The following CST2 variants were observed in gnomAD, a reference collection of about 807,000 sequenced individuals.
CST2 encodes cystatin-SA.
A neutral mutation model predicts 13.4 loss-of-function variants in CST2; 26 were observed. That is an observed-to-expected ratio of 1.95 (90% CI 1.43 to 2.70). The LOEUF is 2.70. Ranked by LOEUF, CST2 falls within the 30% of genes most tolerant of loss-of-function variation. The probability of loss-of-function intolerance (pLI) is 0.00; values close to 1 mark genes in which losing one functional copy is unlikely to be tolerated. For synonymous variants in CST2, 105 were observed against 71.1 expected (o/e 1.48, Z -2.40); for missense variants, 243 against 173.4 (o/e 1.40, Z -2.25).
chr20:23,823,980 G>A lies in CST2; in HGVS notation c.*40C>T. 6.2e-7 allele frequency: 1 copy of A among 1,606,306 alleles called. No individual in the cohort carries two copies. Among genetic ancestry groups the A allele is most frequent in the Non-Finnish European group, 8.5e-7 (1 of 1,173,240 alleles). On this transcript the variant is annotated 3_prime_UTR_variant, in exon 3 of 3. Coordinates refer to ENST00000304725, the MANE Select transcript of CST2 (RefSeq NM_001322.3). Reference sequence around the variant, plus strand: ...AGGGGTGGGAGCACTACAAGGGGTGGGAGTAGGAGGTGGTCAGTGTGACTC... The same window carrying A: ...AGGGGTGGGAGCACTACAAGGGGTGAGAGTAGGAGGTGGTCAGTGTGACTC...
intron 1 of CST2, 35 bp from the exon 2 acceptor site, chr20:23,825,358 G>T (rs377155653): frequency 1.1e-5 from 17 of 1,606,706 alleles, no homozygotes; most frequent in Non-Finnish European, 1.4e-5. Context: ...CACGGACAGC[G>T]CCCCCATCAG....
chr20:23,826,247 G>A (rs1197429347), intron 1 of CST2, among the ~76,000 whole-genome samples, 186 bp downstream of exon 1: 2 of 152,328 alleles, frequency 1.3e-5, no homozygotes, highest in Admixed American at 1.3e-4. Context: ...TCCAGAGTCA[G>A]CATAGTCTCC....
intron 1 of CST2, among the ~76,000 whole-genome samples, chr20:23,825,738 C>A (rs781301539): frequency 2.6e-5 from 4 of 152,218 alleles, no homozygotes; most frequent in Non-Finnish European, 5.9e-5. Flanking sequence ...GGGAGTGCAC[C>A]TCCCGTGCAG....
intron 1 of CST2, 80 bp from the exon 2 acceptor site, chr20:23,825,403 T>A: frequency 2.7e-6 from 4 of 1,477,272 alleles, no homozygotes; most frequent in South Asian, 1.2e-5. Flanking sequence ...TGTGGCTGAG[T>A]CACTGGACTT....
rs1332346260 is a variant in CST2 at position 23,823,848 on chromosome 20, G to C, written c.*172C>G. On this transcript the variant is annotated 3_prime_UTR_variant, in exon 3 of 3. Coordinates refer to ENST00000304725, the MANE Select transcript of CST2 (RefSeq NM_001322.3). ...GCTATGAGAAGCAAAAGGAAGGAGG[G>C]AGGGCAGAGTCCCCTGCTGAGCAAC... 4 of 641,526 alleles carry C rather than the reference G, an allele frequency of 6.2e-6. No homozygotes were observed. In the African/African-American group the frequency reaches 7.3e-5, roughly 12 times the overall value. 39.7% of individuals were successfully genotyped at this position (641,526 alleles called of 1,614,324 possible).
In CST2 at chr20:23,826,602, G is replaced by T; in HGVS notation, c.59C>A (p.Ala20Asp). 6.2e-7 allele frequency: 1 copy of T among 1,613,356 alleles called. No individual in the cohort carries two copies. The highest frequency in any genetic ancestry group is 1.1e-5 in the South Asian group (1 of 90,978). Residue 20 changes from alanine to aspartate, a missense_variant, in exon 1 of 3, where the codon GCC becomes GAC. Physicochemically the swap from Ala to Asp is moderately radical, Grantham distance 126. Transcript: ENST00000304725. ...LLLATQAVAL[A>D]WSPQEEDRII... ...CCTGTCCTCCTCCTGGGGGCTCCAG[G>T]CCAGGGCCACAGCCTGGGTGGCCAG...
intron 2 of CST2, among the ~76,000 whole-genome samples, chr20:23,824,913 C>G (rs1209594782): frequency 1.3e-5 from 2 of 152,024 alleles, no homozygotes; most frequent in South Asian, 2.1e-4. Flanking sequence ...CACTTGGACC[C>G]CTCAACCCCA....
At chr20:23,825,638 G>C (rs111788235) in intron 1 of CST2, among the ~76,000 whole-genome samples, 14 of 152,302 alleles carry the variant, frequency 9.2e-5, no homozygotes, top group Admixed American at 5.2e-4. Flanking sequence ...ATAGGCGTCC[G>C]GGCCTGATGG....
At chr20:23,826,044 G>A (rs1318794092) in intron 1 of CST2, among the ~76,000 whole-genome samples, 2 of 152,220 alleles carry the variant, frequency 1.3e-5, no homozygotes, top group African/African-American at 4.8e-5. Context: ...GCCCTGGGCT[G>A]TAGGGGGTGG....
chr20:23,826,671 G>C lies in CST2; in HGVS notation c.-11C>G, dbSNP rs6106731. 338,200 of 1,584,192 alleles carry C rather than the reference G, an allele frequency of 0.21. 37,358 individuals carry two copies. Among genetic ancestry groups the C allele is most frequent in the African/African-American group, 0.32 (23,512 of 74,440 alleles). On this transcript the variant is annotated 5_prime_UTR_variant, in exon 1 of 3. Transcript: ENST00000304725. ...CAGGGGCCAGGCCATGGTCTCCTCG[G>C]AGGCAGAGCACAGAGCTGGAGCTGC...
rs568450682 is a variant in CST2 at position 23,826,634 on chromosome 20, C to T, written c.27G>A (p.Leu9=). Residue 9 remains leucine, a synonymous_variant, in exon 1 of 3, where the codon CTG becomes CTA. Transcript: ENST00000304725. ...CCACAGCCTGGGTGGCCAGCAGGAG[C>T]AGCAGGGTGCACAGGGGCCAGGCCA... MAWPLCTL[L]LLLATQAVAL... The T allele has an allele frequency of 3.0e-5, 48 of 1,609,618 alleles. No homozygotes were observed. The South Asian group carries it at 4.8e-4, about 16-fold the overall frequency.
At position 23,825,233 on chromosome 20, in the gene CST2, G is replaced by A. The variant is rs1408798050; in HGVS notation, c.319C>T (p.His107Tyr). 4 of 1,614,038 alleles carry A rather than the reference G, an allele frequency of 2.5e-6. No homozygotes were observed. The highest frequency in any genetic ancestry group is 3.4e-6 in the Non-Finnish European group (4 of 1,180,032). ...SQPNLDTCAF[H>Y]EQPELQKKQL... ...ACCTTCTGCAGTTCTGGCTGTTCAT[G>A]GAAGGCACAGGTGTCCAAGTTGGGC... Residue 107 changes from histidine (H) to tyrosine (Y), a missense_variant, in exon 2 of 3, where the codon CAT (histidine) becomes TAT (tyrosine). Physicochemically the swap from His to Tyr is moderately conservative, Grantham distance 83 (BLOSUM62 2). Coordinates refer to ENST00000304725, the MANE Select transcript of CST2 (RefSeq NM_001322.3).
At chr20:23,826,000 G>C (rs1984822627) in intron 1 of CST2, among the ~76,000 whole-genome samples, 1 of 152,210 alleles carries the variant, frequency 6.6e-6, no homozygotes, top group Non-Finnish European at 1.5e-5. Flanking sequence ...TAGAGGCAGG[G>C]TCAGGCGTGC....
intron 1 of CST2, among the ~76,000 whole-genome samples, chr20:23,826,141 C>T (rs1984828681): frequency 6.6e-6 from 1 of 152,168 alleles, no homozygotes; most frequent in Non-Finnish European, 1.5e-5. Flanking sequence ...CTCTGCAGAA[C>T]AGGAAGCGAA....
Position 23,824,087 on chromosome 20 carries a change from A to T in CST2, c.359T>A (p.Phe120Tyr). Residue 120 changes from phenylalanine (F) to tyrosine (Y), a missense_variant, in exon 3 of 3, where the codon TTC becomes TAC. Coordinates refer to ENST00000304725, the MANE Select transcript of CST2 (RefSeq NM_001322.3). Reference protein sequence around the residue: ...PELQKKQLCSFQIYEVPWEDR... With the variant: ...PELQKKQLCSYQIYEVPWEDR... ...CTCCCAGGGAACTTCGTAGATCTGG[A>T]AAGAGCACAACTGTTTCTGTGAAAG... 6.2e-7 allele frequency: 1 copy of T among 1,614,056 alleles called. No homozygotes were observed. The highest frequency in any genetic ancestry group is 8.5e-7 in the Non-Finnish European group (1 of 1,179,948).
chr20:23,823,802 G>A lies in CST2; in HGVS notation c.*218C>T, dbSNP rs1984737560. ...TACTGTTTAATTGCAGGAGGTGGGG[G>A]TGTGTGTACCATGTACCAGGGCTAT... On this transcript the variant is annotated 3_prime_UTR_variant, in exon 3 of 3. Transcript: ENST00000304725. 8.8e-6 allele frequency: 5 copies of A among 569,772 alleles called. No individual in the cohort carries two copies. Among genetic ancestry groups the A allele is most frequent in the African/African-American group, 3.7e-5 (2 of 53,346 alleles). 35.3% of individuals were successfully genotyped at this position (569,772 alleles called of 1,614,324 possible). A position where few individuals can be genotyped will look rare whatever the true frequency, so the allele number is the denominator to read the frequency against.
At chr20:23,824,627 G>A (rs751624006) in intron 2 of CST2, among the ~76,000 whole-genome samples, 1 of 152,060 alleles carries the variant, frequency 6.6e-6, no homozygotes, top group Non-Finnish European at 1.5e-5. Context: ...GCAGGTCCAG[G>A]GCTTCCCAGC....
At position 23,825,311 on chromosome 20, in the gene CST2, C is replaced by T. The variant is rs201317965; in HGVS notation, c.241G>A (p.Val81Met). ...ACCTCTATGTCGAAGAAGTAATTCA[C>T]CCCGCCCACGATCTACACACATGAG... ...LRAREQIVGG[V>M]NYFFDIEVGR... Residue 81 changes from valine to methionine, a missense_variant, in exon 2 of 3, where the codon GTG (valine) becomes ATG (methionine). By Grantham distance (21) the Val-to-Met change is conservative (BLOSUM62 1). Transcript: ENST00000304725. The T allele has an allele frequency of 1.2e-6, 2 of 1,613,520 alleles. No individual in the cohort carries two copies. Among genetic ancestry groups the T allele is most frequent in the Non-Finnish European group, 1.7e-6 (2 of 1,179,862 alleles).
chr20:23,826,433 C>A lies in CST2; in HGVS notation c.228G>T (p.Gln76His), dbSNP rs1292866424. 1 of 1,613,814 alleles carries A rather than the reference C, an allele frequency of 6.2e-7. No homozygotes were observed. Among genetic ancestry groups the A allele is most frequent in the Admixed American group, 1.7e-5 (1 of 60,018 alleles). ...CCCCTCAGGTGGAGGCAGCACCCACCTGCTCCCTGGCTCGTAGCACCCGCA... is the reference window on the plus strand; with the variant it reads ...CCCCTCAGGTGGAGGCAGCACCCACATGCTCCCTGGCTCGTAGCACCCGCA... ...RLLRVLRARE[Q>H]IVGGVNYFFD... is the part of the protein sequence containing the mutation. Residue 76 changes from glutamine to histidine, a missense_variant and splice_region_variant, in exon 1 of 3, where the codon CAG becomes CAT. Physicochemically the swap from Gln to His is conservative, Grantham distance 24. Transcript: ENST00000304725.
Sources: gnomAD v4.1 joint callset for allele counts (sites outside exome capture counted in the v4.1 genomes callset) on GRCh38, gnomAD v4.1.1 for gene constraint, MANE v1.5 for transcripts, NCBI Gene and HGNC (gene_info 2026-07-23, HGNC 2026-07-21) for gene names.